Variants in PCSK2 observed in about 807,000 individuals in gnomAD.
PCSK2 encodes proprotein convertase subtilisin/kexin type 2.
PCSK2 carries 14 observed loss-of-function variants against 69.7 expected under a neutral mutation model. The ratio of observed to expected loss-of-function variants is 0.20; its 90% CI spans 0.13 to 0.31. The LOEUF is 0.31. Ranked by LOEUF, PCSK2 falls within the 10% of genes least tolerant of loss-of-function variation. The pLI is 1.00. For missense variants in PCSK2, 544 were observed against 842.5 expected, an observed-to-expected ratio of 0.65 and a Z score of 4.39; for synonymous variants, 307 against 320.7, an observed-to-expected ratio of 0.96 and a Z score of 0.46.
At chr20:17,235,070 G>A (rs1270836077) in intron 1 of PCSK2, among the ~76,000 whole-genome samples, 2 of 152,150 alleles carry the variant, frequency 1.3e-5, no homozygotes, top group Non-Finnish European at 2.9e-5. Flanking sequence ...GAAATGTATA[G>A]TTGTGTATTA....
At chr20:17,431,441 C>G (rs1367069570) in intron 7 of PCSK2, among the ~76,000 whole-genome samples, 1 of 152,192 alleles carries the variant, frequency 6.6e-6, no homozygotes, top group South Asian at 2.1e-4. Flanking sequence ...CAGCCTCTGC[C>G]TCGCCTGCTG....
chr20:17,469,216 A>G (rs997656974), intron 11 of PCSK2, among the ~76,000 whole-genome samples: 1 of 152,230 alleles, frequency 6.6e-6, no homozygotes, highest in Non-Finnish European at 1.5e-5. Context: ...TGATTGACAC[A>G]GTCAAGCCCA....
At chr20:17,271,500 T>G (rs1004842094) in intron 2 of PCSK2, among the ~76,000 whole-genome samples, 1 of 152,098 alleles carries the variant, frequency 6.6e-6, no homozygotes, top group African/African-American at 2.4e-5. Context: ...ACACAGGCCA[T>G]GCAAATAAAT....
intron 2 of PCSK2, among the ~76,000 whole-genome samples, chr20:17,347,890 A>G (rs376326305): frequency 0.28 from 6,093 of 21,408 alleles, 914 homozygotes; most frequent in Middle Eastern, 0.61. Flanking sequence ...GAAAGAAAGA[A>G]AGAAAGAAAG....
intron 2 of PCSK2, among the ~76,000 whole-genome samples, chr20:17,305,800 A>C (rs960928547): frequency 7.9e-5 from 12 of 152,244 alleles, no homozygotes; most frequent in African/African-American, 2.9e-4. Flanking sequence ...TGAATAAATA[A>C]ATGAACAAAA....
At chr20:17,456,885 T>G (rs1006877893) in intron 10 of PCSK2, among the ~76,000 whole-genome samples, 2 of 152,212 alleles carry the variant, frequency 1.3e-5, no homozygotes, top group African/African-American at 4.8e-5. Context: ...GTGGTCCCAC[T>G]CAAGATTTGT....
chr20:17,314,697 C>T (rs909587651), intron 2 of PCSK2, among the ~76,000 whole-genome samples: 1 of 152,170 alleles, frequency 6.6e-6, no homozygotes, highest in African/African-American at 2.4e-5. Context: ...AAAATTACAT[C>T]TCTAGTAGGG....
chr20:17,440,004 T>C (rs2032563317), intron 8 of PCSK2, among the ~76,000 whole-genome samples: 2 of 152,180 alleles, frequency 1.3e-5, no homozygotes, highest in Non-Finnish European at 2.9e-5. Flanking sequence ...AACGTCTCTG[T>C]CTTCACTAGA....
chr20:17,358,396 G>A lies in PCSK2; in HGVS notation c.352G>A (p.Asp118Asn), dbSNP rs372392030. The A allele has an allele frequency of 1.2e-5, 19 of 1,611,668 alleles. No individual in the cohort carries two copies. The Admixed American group carries it at 1.8e-4, about 16-fold the overall frequency. Reference sequence around the variant, plus strand: ...AGGTTACAGAGACATCAATGAGATCGACATCAACATGAACGATCCTCTTTT... The same window carrying A: ...AGGTTACAGAGACATCAATGAGATCAACATCAACATGAACGATCCTCTTTT... ...KRGYRDINEI[D>N]INMNDPLFTK... The change falls in exon 3 of 12, where the codon GAC (aspartate) becomes AAC (asparagine). Residue 118 changes from aspartate (D) to asparagine (N), a missense_variant. Transcript: ENST00000262545.
chr20:17,447,916 A>G (rs947704412), intron 8 of PCSK2, among the ~76,000 whole-genome samples: 2 of 152,216 alleles, frequency 1.3e-5, no homozygotes, highest in Non-Finnish European at 2.9e-5. Context: ...TTCACTTTCA[A>G]GCCCGTTCTT....
intron 9 of PCSK2, among the ~76,000 whole-genome samples, chr20:17,455,720 C>T (rs2032907226): frequency 6.6e-6 from 1 of 152,182 alleles, no homozygotes; most frequent in Admixed American, 6.5e-5. Context: ...CATAATGTTT[C>T]CTTTTAGGTT....
At chr20:17,402,808 T>C (rs903396626) in intron 5 of PCSK2, among the ~76,000 whole-genome samples, 72 of 151,364 alleles carry the variant, frequency 4.8e-4, no homozygotes, top group African/African-American at 1.7e-3. Context: ...AAAAACAAAA[T>C]TAGCCAGGCG....
chr20:17,285,443 G>A (rs1988479247), intron 2 of PCSK2, among the ~76,000 whole-genome samples: 1 of 152,238 alleles, frequency 6.6e-6, no homozygotes, highest in African/African-American at 2.4e-5. Context: ...GCTGGATAAT[G>A]TCATAGTTTA....
intron 2 of PCSK2, among the ~76,000 whole-genome samples, chr20:17,333,909 G>GTATATATATATATATA: frequency 4.8e-5 from 2 of 42,042 alleles, no homozygotes; most frequent in East Asian, 2.7e-3. Flanking sequence ...CTAAGTCACT[G>GTATATATATATATATA]CATATATATA....
intron 5 of PCSK2, among the ~76,000 whole-genome samples, chr20:17,369,644 G>A (rs1214677212): frequency 6.6e-6 from 1 of 152,210 alleles, no homozygotes; most frequent in African/African-American, 2.4e-5. Context: ...GCAGGCAAAG[G>A]CAGTGGCTTT....
At chr20:17,459,866 G>A (rs2032984305) in intron 10 of PCSK2, among the ~76,000 whole-genome samples, 1 of 152,216 alleles carries the variant, frequency 6.6e-6, no homozygotes, top group African/African-American at 2.4e-5. Context: ...TAAGGCAATA[G>A]CTCTGTGAAT....
At chr20:17,302,792 G>A (rs911042794) in intron 2 of PCSK2, among the ~76,000 whole-genome samples, 2 of 152,132 alleles carry the variant, frequency 1.3e-5, no homozygotes, top group African/African-American at 4.8e-5. Context: ...TACTGGTTAC[G>A]AATAGCATGG....
rs147524993 is a variant in PCSK2 at position 17,408,065 on chromosome 20, G to A, written c.544-1198G>A. The stretch of plus-strand genomic sequence containing the variant: ...CAAACTCAAGTGTGTCACAAAACTT[G>A]TGTGTTATCTTATGATAAAGCACAG... On this transcript the variant is annotated intron_variant, in intron 5 of 11. Coordinates refer to ENST00000262545, the MANE Select transcript of PCSK2 (RefSeq NM_002594.5). Among the ~76,000 whole-genome samples the A allele has an allele frequency of 3.9e-4, 59 of 152,222 alleles. 2 individuals carry two copies. The East Asian group carries it at 0.011, about 28-fold the overall frequency.
chr20:17,436,926 G>T, intron 8 of PCSK2, 43 bp downstream of exon 8: 1 of 1,514,888 alleles, frequency 6.6e-7, no homozygotes, highest in Non-Finnish European at 8.9e-7. Context: ...TCACAAGTTG[G>T]GACAAAGTGG....
Sources: allele counts gnomAD v4.1 joint callset (sites outside exome capture counted in the v4.1 genomes callset), GRCh38; gene constraint gnomAD v4.1.1; transcripts MANE v1.5; gene names NCBI Gene and HGNC (gene_info 2026-07-23, HGNC 2026-07-21).